Variants in CDKN2B-AS1 observed in about 807,000 individuals in gnomAD.
CDKN2B-AS1 encodes the protein CDKN2B and CDKN2A antisense cis and trans regulatory RNA 1.
intron 4 of CDKN2B-AS1, among the ~76,000 whole-genome samples, chr9:22,087,492 A>G (rs1563973021): frequency 6.6e-6 from 1 of 152,238 alleles, no homozygotes; most frequent in Non-Finnish European, 1.5e-5. Context: ...AGTACCTGAA[A>G]GCATCCTAAC....
chr9:22,002,565 T>G (rs1364868588), intron 1 of CDKN2B-AS1, among the ~76,000 whole-genome samples: 3 of 152,172 alleles, frequency 2.0e-5, no homozygotes, highest in East Asian at 3.9e-4. Flanking sequence ...AGTGTAAGTG[T>G]AAATGAAATT....
At chr9:22,070,684 A>T (rs72693664) in intron 4 of CDKN2B-AS1, among the ~76,000 whole-genome samples, 265 of 152,338 alleles carry the variant, frequency 1.7e-3, no homozygotes, top group Non-Finnish European at 3.0e-3. Context: ...ATGTTGGCAC[A>T]TGGTGAAGTG....
intron 1 of CDKN2B-AS1, among the ~76,000 whole-genome samples, chr9:22,043,931 G>C (rs184455366): frequency 2.0e-5 from 3 of 151,842 alleles, no homozygotes; most frequent in African/African-American, 7.3e-5. Context: ...TCAAGCATGA[G>C]GAATGGCAAA....
intron 4 of CDKN2B-AS1, chr9:22,097,126 A>G (rs1825308585): frequency 6.6e-6 from 1 of 152,234 alleles, no homozygotes; most frequent in South Asian, 2.1e-4. Context: ...TCTTTCTGAT[A>G]AATTTTCTGC....
intron 4 of CDKN2B-AS1, chr9:22,112,158 TG>T (rs1262021413): frequency 6.6e-6 from 1 of 152,202 alleles, no homozygotes; most frequent in African/African-American, 2.4e-5. Context: ...TACTGGTTAA[TG>T]GAATTCCAGA....
At chr9:22,079,990 G>T (rs1203157147) in intron 4 of CDKN2B-AS1, among the ~76,000 whole-genome samples, 1 of 152,218 alleles carries the variant, frequency 6.6e-6, no homozygotes, top group Admixed American at 6.5e-5. Context: ...TACAGAATCT[G>T]CCTGTTCATC....
chr9:22,080,794 C>A (rs1824664723), intron 4 of CDKN2B-AS1, among the ~76,000 whole-genome samples: 1 of 152,188 alleles, frequency 6.6e-6, no homozygotes, highest in African/African-American at 2.4e-5. Context: ...CACCAGACTG[C>A]TGGGTCATGG....
chr9:22,074,713 C>G (rs1008553731), intron 4 of CDKN2B-AS1, among the ~76,000 whole-genome samples: 1 of 152,154 alleles, frequency 6.6e-6, no homozygotes, highest in Non-Finnish European at 1.5e-5. Context: ...CTGTTCTTCC[C>G]CACCCACTAC....
chr9:22,090,790 G>A (rs1406943825), intron 4 of CDKN2B-AS1, among the ~76,000 whole-genome samples: 1 of 152,160 alleles, frequency 6.6e-6, no homozygotes, highest in Non-Finnish European at 1.5e-5. Flanking sequence ...TGTTCACTCT[G>A]ATGGTAGTTT....
At chr9:22,037,691 G>A (rs76590643) in intron 1 of CDKN2B-AS1, among the ~76,000 whole-genome samples, 1 of 152,050 alleles carries the variant, frequency 6.6e-6, no homozygotes, top group African/African-American at 2.4e-5. Context: ...CACCACAAAG[G>A]GTAGTGGAGA....
intron 1 of CDKN2B-AS1, among the ~76,000 whole-genome samples, chr9:22,010,782 T>C (rs932472709): frequency 1.3e-5 from 2 of 152,232 alleles, no homozygotes; most frequent in Non-Finnish European, 2.9e-5. Context: ...TTTACTCTTA[T>C]GCTCTTGTTT....
intron 4 of CDKN2B-AS1, among the ~76,000 whole-genome samples, chr9:22,063,153 C>T (rs1238213253): frequency 6.6e-6 from 1 of 151,994 alleles, no homozygotes; most frequent in Non-Finnish European, 1.5e-5. Context: ...GCCTTTACAT[C>T]AAGAGGATAA....
chr9:22,126,392 T>G (rs1418267168), intron 4 of CDKN2B-AS1, among the ~76,000 whole-genome samples: 1 of 152,182 alleles, frequency 6.6e-6, no homozygotes, highest in Non-Finnish European at 1.5e-5. Flanking sequence ...TTTATTTTTT[T>G]GTCATGTGTA....
At chr9:22,064,777 G>C (rs1823972097) in intron 4 of CDKN2B-AS1, among the ~76,000 whole-genome samples, 1 of 152,120 alleles carries the variant, frequency 6.6e-6, no homozygotes. Context: ...CTCATGATGA[G>C]CTGAGTGGCC....
At chr9:22,087,210 T>C (rs1388492075) in intron 4 of CDKN2B-AS1, among the ~76,000 whole-genome samples, 1 of 152,186 alleles carries the variant, frequency 6.6e-6, no homozygotes, top group Non-Finnish European at 1.5e-5. Context: ...TTAAGGTAAG[T>C]TTTCTTTCCC....
intron 4 of CDKN2B-AS1, chr9:22,065,747 C>CTT (rs1476096868): frequency 6.6e-6 from 1 of 152,166 alleles, no homozygotes; most frequent in Non-Finnish European, 1.5e-5. Context: ...CAGTGCAGTA[C>CTT]AACACTCCAG....
rs1245182135 is a variant in CDKN2B-AS1, at chr9:22,108,658, A to G, written n.439-18445A>G. 5.3e-5 allele frequency among the ~76,000 whole-genome samples: 8 copies of G among 152,204 alleles called. No individual in the cohort carries two copies. The South Asian group carries it at 1.7e-3, about 32-fold the overall frequency. The stretch of plus-strand genomic sequence containing the variant: ...TGTACAACTCATCCTTTTCATTTAC[A>G]AAGAAACAAATTTGAGCAGTTTCAC... On this transcript the variant is annotated intron_variant and non_coding_transcript_variant, in intron 4 of 4. Coordinates refer to ENST00000650946, the Ensembl canonical transcript of CDKN2B-AS1.
chr9:22,092,781 A>G (rs1825138531), intron 4 of CDKN2B-AS1, among the ~76,000 whole-genome samples: 2 of 151,918 alleles, frequency 1.3e-5, no homozygotes, highest in Non-Finnish European at 2.9e-5. Flanking sequence ...CAGCTCCTGG[A>G]TTCATTGATT....
intron 4 of CDKN2B-AS1, among the ~76,000 whole-genome samples, chr9:22,104,504 T>C (rs551285809): frequency 1.3e-5 from 2 of 152,212 alleles, no homozygotes; most frequent in Non-Finnish European, 2.9e-5. Context: ...AGAGAAAAAT[T>C]GGACCTGACA....
Sources: gnomAD v4.1 joint callset for allele counts (sites outside exome capture counted in the v4.1 genomes callset) on GRCh38, gnomAD v4.1.1 for gene constraint, MANE v1.5 for transcripts, NCBI Gene and HGNC (gene_info 2026-07-23, HGNC 2026-07-21) for gene names.